The following BRINP3 variants were observed in gnomAD, a reference collection of about 807,000 sequenced individuals.
BRINP3 encodes BMP/retinoic acid-inducible neural-specific protein 3.
A neutral mutation model predicts 71.0 loss-of-function variants in BRINP3; 19 were observed. That is an observed-to-expected ratio of 0.27 (90% CI 0.19 to 0.39). The LOEUF (loss-of-function observed/expected upper bound fraction) is 0.39, where lower values mean the gene tolerates loss of function less well. Among genes scored for constraint, BRINP3 ranks in the 10% least tolerant of loss-of-function variants. BRINP3 has a pLI of 1.00. For missense variants in BRINP3, 959 were observed against 940.8 expected (o/e 1.02, Z -0.25); for synonymous variants, 380 against 337.7 (o/e 1.13, Z -1.37).
At chr1:190,312,611 G>A (rs957372594) in intron 2 of BRINP3, among the ~76,000 whole-genome samples, 1 of 151,668 alleles carries the variant, frequency 6.6e-6, no homozygotes, top group Admixed American at 6.6e-5. Context: ...GCTTTCTTAT[G>A]ATTTTTTTCC....
intron 6 of BRINP3, among the ~76,000 whole-genome samples, chr1:190,167,672 T>G (rs538375943): frequency 6.6e-6 from 1 of 152,244 alleles, no homozygotes; most frequent in East Asian, 1.9e-4. Flanking sequence ...AGAACCGTGA[T>G]TGGAGAGGCA....
chr1:190,452,107 CTA>C (rs71768244), intron 2 of BRINP3, among the ~76,000 whole-genome samples: 2,324 of 152,180 alleles, frequency 0.015, 58 homozygotes, highest in African/African-American at 0.052. Context: ...AATTTTCCAT[CTA>C]TGTGTTTTAA....
intron 6 of BRINP3, among the ~76,000 whole-genome samples, chr1:190,168,538 C>T (rs1338895310): frequency 6.6e-6 from 1 of 152,104 alleles, no homozygotes; most frequent in Non-Finnish European, 1.5e-5. Flanking sequence ...GTTTAGTTTC[C>T]AATTACTTGA....
intron 2 of BRINP3, among the ~76,000 whole-genome samples, chr1:190,363,581 G>A (rs1240115146): frequency 2.0e-5 from 3 of 152,050 alleles, no homozygotes; most frequent in Admixed American, 1.3e-4. Context: ...ACTATAAGGA[G>A]GGGCATAACA....
At chr1:190,310,087 C>G (rs964035413) in intron 2 of BRINP3, among the ~76,000 whole-genome samples, 3 of 146,978 alleles carry the variant, frequency 2.0e-5, no homozygotes, top group Non-Finnish European at 3.0e-5. Context: ...ATGGACTCAC[C>G]TCTTTTGTGG....
intron 2 of BRINP3, among the ~76,000 whole-genome samples, chr1:190,400,561 T>G (rs1171545476): frequency 6.6e-6 from 1 of 152,194 alleles, no homozygotes; most frequent in Non-Finnish European, 1.5e-5. Context: ...TTTTAATCAC[T>G]TACATGTGAT....
intron 2 of BRINP3, among the ~76,000 whole-genome samples, chr1:190,363,998 A>C (rs1383348420): frequency 6.6e-6 from 1 of 152,116 alleles, no homozygotes; most frequent in Non-Finnish European, 1.5e-5. Context: ...AATATGAAGA[A>C]AAATGATATC....
At chr1:190,327,352 G>A (rs925322830) in intron 2 of BRINP3, among the ~76,000 whole-genome samples, 1,565 of 76,006 alleles carry the variant, frequency 0.021, 1 homozygote, top group Non-Finnish European at 0.029. Context: ...AAAAAAAAAG[G>A]AAAAAAAAAA....
At chr1:190,426,033 A>G (rs956914244) in intron 2 of BRINP3, among the ~76,000 whole-genome samples, 2 of 151,864 alleles carry the variant, frequency 1.3e-5, no homozygotes, top group African/African-American at 4.8e-5. Flanking sequence ...ATATTTTGAT[A>G]TGAATAACAT....
Position 190,318,411 on chromosome 1 carries a change from C to T in BRINP3, c.237-36661G>A, listed in dbSNP as rs148091841. ...CTTTCACTTGATTACAGGAGTTAGA[C>T]TATGGAAAGCAATATATCTCAAGTA... On this transcript the variant is annotated intron_variant, in intron 2 of 7. Coordinates refer to ENST00000367462, the MANE Select transcript of BRINP3 (RefSeq NM_199051.3). Among the ~76,000 whole-genome samples, 12 of 152,156 alleles carry T rather than the reference C, an allele frequency of 7.9e-5. No individual in the cohort carries two copies. In the East Asian group the frequency reaches 1.9e-3, roughly 25 times the overall value.
intron 2 of BRINP3, among the ~76,000 whole-genome samples, chr1:190,392,759 C>T (rs1361863680): frequency 6.6e-6 from 1 of 151,482 alleles, no homozygotes; most frequent in African/African-American, 2.4e-5. Flanking sequence ...TCTATAAACA[C>T]CTGAGTACAC....
At chr1:190,164,866 C>T (rs1033027154) in intron 6 of BRINP3, among the ~76,000 whole-genome samples, 1 of 151,954 alleles carries the variant, frequency 6.6e-6, no homozygotes, top group African/African-American at 2.4e-5. Flanking sequence ...ACCTACAGTG[C>T]CTGGCTTCAG....
chr1:190,110,890 A>G (rs1652609327), intron 7 of BRINP3, among the ~76,000 whole-genome samples: 1 of 152,198 alleles, frequency 6.6e-6, no homozygotes, highest in Non-Finnish European at 1.5e-5. Flanking sequence ...TTCTAGCACA[A>G]GATAAACCTG....
chr1:190,178,250 G>C (rs1652726378), intron 6 of BRINP3, among the ~76,000 whole-genome samples: 1 of 151,994 alleles, frequency 6.6e-6, no homozygotes, highest in Admixed American at 6.6e-5. Context: ...AGAAAGATAG[G>C]ATATCATAGA....
At chr1:190,453,203 A>ATTTTTT (rs1190785225) in intron 2 of BRINP3, among the ~76,000 whole-genome samples, 1,216 of 40,840 alleles carry the variant, frequency 0.03, 437 homozygotes, top group Middle Eastern at 0.13. Flanking sequence ...AAACTTTAGT[A>ATTTTTT]TTTTTTTTTT....
At chr1:190,320,968 C>A (rs542532855) in intron 2 of BRINP3, among the ~76,000 whole-genome samples, 1 of 152,082 alleles carries the variant, frequency 6.6e-6, no homozygotes, top group East Asian at 1.9e-4. Flanking sequence ...TATATATACA[C>A]ACACACACAC....
chr1:190,192,925 TA>T (rs1654173094), intron 6 of BRINP3, among the ~76,000 whole-genome samples: 1 of 152,116 alleles, frequency 6.6e-6, no homozygotes, highest in African/African-American at 2.4e-5. Context: ...ATGTTTTGCT[TA>T]AACTTTTATA....
intron 7 of BRINP3, among the ~76,000 whole-genome samples, chr1:190,155,095 T>C (rs530528305): frequency 1.3e-5 from 2 of 152,118 alleles, no homozygotes; most frequent in African/African-American, 2.4e-5. Flanking sequence ...TCTTTTGTTA[T>C]TGCCTACTGA....
chr1:190,454,851 G>A lies in BRINP3; in HGVS notation c.40C>T (p.Leu14=). The A allele has an allele frequency of 1.2e-6, 2 of 1,614,164 alleles. No individual in the cohort carries two copies. The highest frequency in any genetic ancestry group is 1.7e-6 in the Non-Finnish European group (2 of 1,180,028). The change falls in exon 2 of 8, where the codon CTG becomes TTG. Residue 14 remains leucine, a synonymous_variant. Transcript: ENST00000367462. ...GCTATCCACTCCCATAGAGCCATCA[G>A]AGAGAACAATTCAGCACCAGCTCTG... ...RSRAGAELFS[L]MALWEWIALS...
Sources: allele counts gnomAD v4.1 joint callset (sites outside exome capture counted in the v4.1 genomes callset), GRCh38; gene constraint gnomAD v4.1.1; transcripts MANE v1.5; gene names NCBI Gene and HGNC (gene_info 2026-07-23, HGNC 2026-07-21).